Variants in SNX29 observed in about 807,000 individuals in gnomAD.
SNX29 encodes the protein sorting nexin 29.
Under a neutral mutation model 102.1 loss-of-function variants are expected in SNX29, and 78 were observed. The ratio of observed to expected loss-of-function variants is 0.76; its 90% CI spans 0.64 to 0.92. The LOEUF (loss-of-function observed/expected upper bound fraction) is 0.92, where lower values mean the gene tolerates loss of function less well. SNX29 is among the 40% of genes least tolerant of loss of function. The pLI, the probability that SNX29 is intolerant of heterozygous loss-of-function variation, is 0.00. For missense variants in SNX29, 1,280 were observed against 1,061.7 expected (o/e 1.21, Z -2.86); for synonymous variants, 580 against 414.5 (o/e 1.40, Z -4.85).
At chr16:12,286,591 C>T (rs977456549) in intron 15 of SNX29, among the ~76,000 whole-genome samples, 2 of 152,150 alleles carry the variant, frequency 1.3e-5, no homozygotes, top group East Asian at 1.9e-4. Context: ...ATGATCCACC[C>T]GCCTTGGCCT....
intron 18 of SNX29, chr16:12,443,438 A>G (rs1567568651): frequency 6.5e-6 from 1 of 154,380 alleles, no homozygotes; most frequent in Non-Finnish European, 1.4e-5. Context: ...CATCAGCTCT[A>G]AATCTTTCTA....
intron 13 of SNX29, among the ~76,000 whole-genome samples, chr16:12,167,660 TGAGGTA>T (rs2076048484): frequency 6.6e-6 from 1 of 152,152 alleles, no homozygotes; most frequent in East Asian, 1.9e-4. Flanking sequence ...ATCCTCCCAA[TGAGGTA>T]GGTAGAAGTA....
chr16:11,998,076 C>A (rs1427648531), intron 1 of SNX29, among the ~76,000 whole-genome samples: 1 of 152,216 alleles, frequency 6.6e-6, no homozygotes, highest in Non-Finnish European at 1.5e-5. Context: ...CCAGCTGGCC[C>A]TGGCTTGACC....
At chr16:12,216,905 C>T (rs915906575) in intron 14 of SNX29, among the ~76,000 whole-genome samples, 2 of 152,250 alleles carry the variant, frequency 1.3e-5, no homozygotes, top group African/African-American at 2.4e-5. Context: ...CCACAGCTAG[C>T]TGCAAGGGAT....
intron 13 of SNX29, among the ~76,000 whole-genome samples, chr16:12,174,567 G>A (rs1193598148): frequency 1.3e-5 from 2 of 152,210 alleles, no homozygotes; most frequent in Non-Finnish European, 2.9e-5. Context: ...GTTGACCCAA[G>A]CTGGGCTGGA....
intron 13 of SNX29, among the ~76,000 whole-genome samples, chr16:12,142,110 A>G (rs2054888769): frequency 6.6e-6 from 1 of 152,280 alleles, no homozygotes; most frequent in Admixed American, 6.5e-5. Flanking sequence ...TTACAAATGT[A>G]TTGGAATTTT....
chr16:12,527,218 T>C (rs1350666877), intron 20 of SNX29: 2 of 534,010 alleles, frequency 3.7e-6, no homozygotes, highest in Non-Finnish European at 7.3e-6. Flanking sequence ...TTTGGGGTAA[T>C]GATGGATCAG....
chr16:12,385,000 A>G (rs959366742), intron 16 of SNX29, among the ~76,000 whole-genome samples: 1 of 152,190 alleles, frequency 6.6e-6, no homozygotes, highest in Non-Finnish European at 1.5e-5. Context: ...GTGAAACCCC[A>G]TCTCCACTAA....
intron 3 of SNX29, among the ~76,000 whole-genome samples, chr16:12,023,012 C>G (rs1003030765): frequency 9.2e-5 from 14 of 151,436 alleles, no homozygotes; most frequent in African/African-American, 3.4e-4. Context: ...TTCTCCTGCT[C>G]CAGCCTTCCC....
At chr16:12,549,163 C>T (rs1308727782) in intron 20 of SNX29, among the ~76,000 whole-genome samples, 1 of 152,158 alleles carries the variant, frequency 6.6e-6, no homozygotes, top group South Asian at 2.1e-4. Context: ...ATCACATTTG[C>T]TGTTCATGGA....
intron 15 of SNX29, among the ~76,000 whole-genome samples, chr16:12,289,507 C>T (rs1024980671): frequency 3.3e-5 from 5 of 152,124 alleles, no homozygotes; most frequent in East Asian, 1.9e-4. Flanking sequence ...CCACCCTCTC[C>T]GGTGGTGGCG....
At chr16:12,356,649 C>G (rs549210887) in intron 16 of SNX29, among the ~76,000 whole-genome samples, 2 of 152,218 alleles carry the variant, frequency 1.3e-5, no homozygotes, top group Non-Finnish European at 2.9e-5. Flanking sequence ...TTGTATGTAT[C>G]TGTTTGCCAC....
rs151016118 is a variant in SNX29, at chr16:12,083,832, C to T, written c.1402+4917C>T. On this transcript the variant is annotated intron_variant, in intron 11 of 20. Transcript: ENST00000566228. ...AGCAGCGAATGCTTCACTCACATCC[C>T]GCCAAGTGGCTTCCCTGGCTTCGTG... Among the ~76,000 whole-genome samples the T allele has an allele frequency of 5.9e-3, 903 of 152,332 alleles. 7 individuals carry two copies. Among genetic ancestry groups the T allele is most frequent in the African/African-American group, 0.021 (864 of 41,574 alleles).
chr16:12,150,682 T>G (rs2055260997), intron 13 of SNX29, among the ~76,000 whole-genome samples: 1 of 152,204 alleles, frequency 6.6e-6, no homozygotes, highest in African/African-American at 2.4e-5. Context: ...TGCATCCCTT[T>G]GTAATTGCCA....
At chr16:12,308,439 G>C (rs943106994) in intron 15 of SNX29, among the ~76,000 whole-genome samples, 4 of 152,298 alleles carry the variant, frequency 2.6e-5, no homozygotes, top group African/African-American at 7.2e-5. Context: ...CCACATCCTG[G>C]ATTGTTGCTG....
intron 16 of SNX29, among the ~76,000 whole-genome samples, chr16:12,396,690 A>T (rs1371296378): frequency 6.6e-6 from 1 of 152,170 alleles, no homozygotes; most frequent in Non-Finnish European, 1.5e-5. Flanking sequence ...TCCATCCATG[A>T]TGCGTAACTG....
chr16:12,551,635 C>T (rs1331223725), intron 20 of SNX29, among the ~76,000 whole-genome samples: 1 of 152,204 alleles, frequency 6.6e-6, no homozygotes, highest in Non-Finnish European at 1.5e-5. Flanking sequence ...ATCAACCCAG[C>T]AAGTATTTTC....
intron 20 of SNX29, among the ~76,000 whole-genome samples, chr16:12,530,234 T>C (rs1344580575): frequency 6.6e-6 from 1 of 152,204 alleles, no homozygotes; most frequent in Non-Finnish European, 1.5e-5. Flanking sequence ...AGGAGGAAAG[T>C]GGTCTTTTAG....
In SNX29 at chr16:12,572,725, G is replaced by A. The variant is rs142586201; in HGVS notation, c.*4096G>A. On this transcript the variant is annotated 3_prime_UTR_variant, in exon 21 of 21. Transcript: ENST00000566228. ...CATCTTCCAGCCTTGGCACAGAACT[G>A]ATGGCAAAGGAAGGGCTGGGTTTTC... The A allele has an allele frequency of 1.5e-4, 163 of 1,063,994 alleles. 1 individual carries two copies. In the African/African-American group the frequency reaches 2.0e-3, roughly 13 times the overall value. 65.9% of individuals were successfully genotyped at this position (1,063,994 alleles called of 1,614,324 possible).
Sources: gnomAD v4.1 joint callset for allele counts (sites outside exome capture counted in the v4.1 genomes callset) on GRCh38, gnomAD v4.1.1 for gene constraint, MANE v1.5 for transcripts, NCBI Gene and HGNC (gene_info 2026-07-23, HGNC 2026-07-21) for gene names.